CYP4A11: variants seen among roughly 807,000 people sequenced by gnomAD.
The protein encoded by CYP4A11 is cytochrome P450 family 4 subfamily A member 11.
In CYP4A11, 52 loss-of-function variants were observed where a neutral mutation model predicts 57.7. That is an observed-to-expected ratio of 0.90 (90% CI 0.72 to 1.14). The LOEUF (loss-of-function observed/expected upper bound fraction) is 1.14, where lower values mean the gene tolerates loss of function less well. Ranked by LOEUF, CYP4A11 falls within the 50% of genes most tolerant of loss-of-function variation. CYP4A11 has a pLI of 0.00. For synonymous variants in CYP4A11, 228 were observed against 247.1 expected, an observed-to-expected ratio of 0.92 and a Z score of 0.72; for missense variants, 641 against 642.1, an observed-to-expected ratio of 1.00 and a Z score of 0.02.
At position 46,934,183 on chromosome 1, in the gene CYP4A11, T is replaced by G. The variant is rs769099199; in HGVS notation, c.1081A>C (p.Ile361Leu). The G allele has an allele frequency of 3.7e-5, 60 of 1,613,792 alleles. No homozygotes were observed. Among genetic ancestry groups the G allele is most frequent in the South Asian group, 4.4e-5 (4 of 91,062 alleles). The part of the protein sequence containing the change: ...IHSLLGDGAS[I>L]TWNHLDQMPY... Reference sequence around the variant, plus strand: ...TTTTGAGCCCTCACTCACCAGGTGATGGAGGCTCCATCACCCAGGAGGCTG... The same window carrying G: ...TTTTGAGCCCTCACTCACCAGGTGAGGGAGGCTCCATCACCCAGGAGGCTG... Residue 361 changes from isoleucine (I) to leucine (L), a missense_variant, in exon 8 of 12, where the codon ATC (isoleucine) becomes CTC (leucine). Ile to Leu is a conservative substitution (Grantham distance 5). Transcript: ENST00000310638.
chr1:46,935,560 A>G lies in CYP4A11; in HGVS notation c.598T>C (p.Cys200Arg). The G allele has an allele frequency of 2.5e-6, 4 of 1,613,966 alleles. No individual in the cohort carries two copies. Among genetic ancestry groups the G allele is most frequent in the Admixed American group, 1.7e-5 (1 of 60,020 alleles). Reference protein sequence around the residue: ...SLMTLDTIMKCAFSHQGSIQV... With the variant: ...SLMTLDTIMKRAFSHQGSIQV... ...ATGCTGCCCTGATGGCTGAAGGCAC[A>G]CTTCATGATGGTGTCCAGGGTCATC... is the stretch of plus-strand genomic sequence containing the variant. Residue 200 changes from cysteine (C) to arginine (R), a missense_variant, in exon 5 of 12, where the codon TGT becomes CGT. By Grantham distance (180) the Cys-to-Arg change is radical (BLOSUM62 -3). Transcript: ENST00000310638.
chr1:46,934,509 C>T lies in CYP4A11; in HGVS notation c.841G>A (p.Glu281Lys). Residue 281 changes from glutamate to lysine, a missense_variant, in exon 7 of 12, where the codon GAG becomes AAG. Coordinates refer to ENST00000310638, the MANE Select transcript of CYP4A11 (RefSeq NM_000778.4). ...KAQLQKEGELEKIKRKRHLDF... is the reference protein window; with the variant it reads ...KAQLQKEGELKKIKRKRHLDF... ...AAATGCCTCTTCCTCTTGATCTTCT[C>T]CAGCTCCCCCTCCTTCTGTAGTTGA... 1 of 1,613,848 alleles carries T rather than the reference C, an allele frequency of 6.2e-7. No individual in the cohort carries two copies. Among genetic ancestry groups the T allele is most frequent in the Non-Finnish European group, 8.5e-7 (1 of 1,179,854 alleles).
At chr1:46,937,681 C>T (rs1681498299) in intron 2 of CYP4A11, among the ~76,000 whole-genome samples, 2 of 152,300 alleles carry the variant, frequency 1.3e-5, no homozygotes, top group South Asian at 4.1e-4. Context: ...ACAATTAGAG[C>T]TTTGAAACCC....
intron 1 of CYP4A11, among the ~76,000 whole-genome samples, chr1:46,939,193 C>T (rs1225850870): frequency 5.3e-5 from 8 of 152,222 alleles, no homozygotes; most frequent in Admixed American, 6.5e-5. Flanking sequence ...ACATAGGTAT[C>T]GAATATCTGC....
intron 11 of CYP4A11, among the ~76,000 whole-genome samples, chr1:46,931,195 C>T (rs1209644425): frequency 6.6e-6 from 1 of 152,200 alleles, no homozygotes; most frequent in African/African-American, 2.4e-5. Flanking sequence ...CCTCCCTCCA[C>T]CTCTGCCTGC....
At chr1:46,940,878 C>T in intron 1 of CYP4A11, 1 of 985,334 alleles carries the variant, frequency 1.0e-6, no homozygotes. Context: ...AGAGTGATGG[C>T]ATTGAGTGAC....
chr1:46,933,192 G>A (rs747042765), intron 9 of CYP4A11, 145 bp from the exon 10 acceptor site: 28 of 1,210,528 alleles, frequency 2.3e-5, no homozygotes, highest in Non-Finnish European at 3.2e-5. Context: ...CCATTATGCA[G>A]GTGGGTTAGG....
intron 1 of CYP4A11, among the ~76,000 whole-genome samples, chr1:46,939,323 C>T (rs60785285): frequency 0.018 from 2,703 of 152,262 alleles, 63 homozygotes; most frequent in African/African-American, 0.061. Context: ...GTGGCTCAGG[C>T]ACTGCGTTAG....
rs780003264 is a variant in CYP4A11, at chr1:46,933,916, T to C, written c.1222+30A>G. On this transcript the variant is annotated intron_variant, in intron 9 of 11. Coordinates refer to ENST00000310638, the MANE Select transcript of CYP4A11 (RefSeq NM_000778.4). ...ACCCTCCACACGTCCCTGTGGAGAG[T>C]TTAGGTGAGAGGGTGGGGGAACTTC... The C allele has an allele frequency of 3.7e-6, 6 of 1,612,198 alleles. No homozygotes were observed. In the South Asian group the frequency reaches 4.4e-5, roughly 12 times the overall value.
Position 46,930,107 on chromosome 1 carries a change from G to A in CYP4A11, c.*8C>T. ...GGGTCAGGAAGACAGGACGGCAGGT[G>A]GAGGCCCTCAAAGCTGGTCCTTGTC... On this transcript the variant is annotated 3_prime_UTR_variant, in exon 12 of 12. Transcript: ENST00000310638. 6.2e-7 allele frequency: 1 copy of A among 1,604,024 alleles called. No homozygotes were observed. Among genetic ancestry groups the A allele is most frequent in the African/African-American group, 1.3e-5 (1 of 74,868 alleles).
chr1:46,931,576 A>G, intron 11 of CYP4A11: 1 of 706,086 alleles, frequency 1.4e-6, no homozygotes, highest in Non-Finnish European at 1.7e-6. Flanking sequence ...ATACACTGAG[A>G]GTAAATATTA....
intron 1 of CYP4A11, chr1:46,940,692 G>T (rs1570115504): frequency 1.0e-6 from 1 of 985,274 alleles, no homozygotes; most frequent in East Asian, 1.1e-4. Context: ...TTAGCCAGTT[G>T]GTCCCCTATA....
intron 11 of CYP4A11, among the ~76,000 whole-genome samples, chr1:46,930,874 C>T (rs931304550): frequency 6.6e-6 from 1 of 152,110 alleles, no homozygotes; most frequent in Non-Finnish European, 1.5e-5. Context: ...GCCTCCCACC[C>T]CAGGGTCCGG....
chr1:46,941,324 A>G lies in CYP4A11; in HGVS notation c.110T>C (p.Leu37Pro), dbSNP rs1469688659. 2 of 1,614,030 alleles carry G rather than the reference A, an allele frequency of 1.2e-6. No homozygotes were observed. Among genetic ancestry groups the G allele is most frequent in the African/African-American group, 1.3e-5 (1 of 74,920 alleles). The change falls in exon 1 of 12, where the codon CTC becomes CCC. Residue 37 changes from leucine to proline, a missense_variant. Coordinates refer to ENST00000310638, the MANE Select transcript of CYP4A11 (RefSeq NM_000778.4). ...LLLLLIKAVQLYLHRQWLLKA... is the reference protein window; with the variant it reads ...LLLLLIKAVQPYLHRQWLLKA... ...GAGCAGCCACTGCCTGTGCAGGTAG[A>G]GCTGAACTGCCTTGATCAGCAGCAG...
At chr1:46,931,483 AG>A (rs1274762481) in intron 11 of CYP4A11, 2 of 842,890 alleles carry the variant, frequency 2.4e-6, no homozygotes, top group Non-Finnish European at 2.9e-6. Context: ...CATGCTGCAT[AG>A]GACTTGACCC....
intron 5 of CYP4A11, among the ~76,000 whole-genome samples, 166 bp downstream of exon 5, chr1:46,935,357 T>A (rs1318311782): frequency 1.3e-5 from 2 of 152,224 alleles, no homozygotes; most frequent in Admixed American, 6.5e-5. Flanking sequence ...GAATTAGGCA[T>A]CTGTTCCTGA....
chr1:46,935,010 A>T lies in CYP4A11; in HGVS notation c.780T>A (p.His260Gln), dbSNP rs1450753801. Reference protein sequence around the residue: ...RWTHRACQLAHQHTDQVIQLR... With the variant: ...RWTHRACQLAQQHTDQVIQLR... ...AGGAAAAGACAGAACCTGTGTGCTG[A>T]TGGGCCAGCTGGCAGGCGCGGTGTG... Residue 260 changes from histidine to glutamine, a missense_variant, in exon 6 of 12, where the codon CAT becomes CAA. Physicochemically the swap from His to Gln is conservative, Grantham distance 24 (BLOSUM62 0). Transcript: ENST00000310638. 3 of 1,613,806 alleles carry T rather than the reference A, an allele frequency of 1.9e-6. No individual in the cohort carries two copies. Among genetic ancestry groups the T allele is most frequent in the Non-Finnish European group, 2.5e-6 (3 of 1,179,880 alleles).
chr1:46,939,725 T>C (rs1681634746), intron 1 of CYP4A11, among the ~76,000 whole-genome samples: 1 of 151,614 alleles, frequency 6.6e-6, no homozygotes, highest in African/African-American at 2.4e-5. Flanking sequence ...AGCTTGGTGC[T>C]GGGCCTTGAC....
At position 46,930,084 on chromosome 1, in the gene CYP4A11, G is replaced by T. The variant is rs760231988; in HGVS notation, c.*31C>A. The T allele has an allele frequency of 4.4e-6, 7 of 1,587,680 alleles. No individual in the cohort carries two copies. The South Asian group carries it at 6.9e-5, about 16-fold the overall frequency. On this transcript the variant is annotated 3_prime_UTR_variant, in exon 12 of 12. Transcript: ENST00000310638. ...AGACAGGAAGGGGACAGAAGCGGGGGTCAGGAAGACAGGACGGCAGGTGGA... is the reference window on the plus strand; with the variant it reads ...AGACAGGAAGGGGACAGAAGCGGGGTTCAGGAAGACAGGACGGCAGGTGGA...
Sources: allele counts gnomAD v4.1 joint callset (sites outside exome capture counted in the v4.1 genomes callset), GRCh38; gene constraint gnomAD v4.1.1; transcripts MANE v1.5; gene names NCBI Gene and HGNC (gene_info 2026-07-23, HGNC 2026-07-21).